Variants in NCOR1 observed in about 807,000 individuals in gnomAD.
The protein encoded by NCOR1 is nuclear receptor corepressor 1.
Under a neutral mutation model 288.1 loss-of-function variants are expected in NCOR1, and 63 were observed. That is an observed-to-expected ratio of 0.22 (90% confidence interval 0.18 to 0.27). NCOR1 has a LOEUF of 0.27. Among genes scored for constraint, NCOR1 ranks in the 10% least tolerant of loss-of-function variants. NCOR1 has a pLI of 1.00. For synonymous variants in NCOR1, 1,007 were observed against 1,065.9 expected (o/e 0.94, Z 1.08); for missense variants, 2,397 against 3,019.2 (o/e 0.79, Z 4.83).
At chr17:16,133,071 C>T (rs1035953456) in intron 14 of NCOR1, among the ~76,000 whole-genome samples, 3 of 151,908 alleles carry the variant, frequency 2.0e-5, no homozygotes, top group Non-Finnish European at 4.4e-5. Context: ...CAGGTTCAAG[C>T]GATTTTTCTA....
intron 1 of NCOR1, among the ~76,000 whole-genome samples, chr17:16,215,139 C>A (rs1374080596): frequency 6.6e-6 from 1 of 152,228 alleles, no homozygotes; most frequent in African/African-American, 2.4e-5. Flanking sequence ...ACTCCATAAG[C>A]CTCCGCTAGC....
intron 18 of NCOR1, among the ~76,000 whole-genome samples, chr17:16,115,144 A>G (rs2071316895): frequency 6.6e-6 from 1 of 152,190 alleles, no homozygotes; most frequent in South Asian, 2.1e-4. Context: ...CACCCTCTGA[A>G]GCCACGGCCC....
rs1027044838 is a variant in NCOR1 at position 16,032,323 on chromosome 17, G to A, written c.7296C>T (p.Tyr2432=). 31 of 1,613,854 alleles carry A rather than the reference G, an allele frequency of 1.9e-5. No individual in the cohort carries two copies. Among genetic ancestry groups the A allele is most frequent in the African/African-American group, 1.3e-4 (10 of 74,904 alleles). Residue 2432 remains tyrosine (Y), a synonymous_variant, in exon 46 of 46, where the codon TAC becomes TAT. Coordinates refer to ENST00000268712, the MANE Select transcript of NCOR1 (RefSeq NM_006311.4). ...AGTCATCACTATCCGACAGGGTCTC[G>A]TACTGTGCTGAGAGCAGTGGGGCAG... ...REPAPLLSAQ[Y]ETLSDSDD
intron 3 of NCOR1, among the ~76,000 whole-genome samples, chr17:16,178,100 T>C (rs745614104): frequency 9.2e-5 from 14 of 152,038 alleles, no homozygotes; most frequent in Admixed American, 2.6e-4. Context: ...TCCCAGCTAC[T>C]CTAGAGGCTG....
chr17:16,057,119 C>A, intron 40 of NCOR1: 1 of 187,084 alleles, frequency 5.3e-6, no homozygotes, highest in Non-Finnish European at 1.1e-5. Context: ...CAGGTATAAG[C>A]CACTATGTCT....
At chr17:16,057,813 A>AT in intron 39 of NCOR1, 76 bp from the exon 40 acceptor site, 2 of 1,484,616 alleles carry the variant, frequency 1.3e-6, no homozygotes, top group Non-Finnish European at 1.8e-6. Context: ...AGAAATCTAG[A>AT]TATCTTTATT....
intron 18 of NCOR1, among the ~76,000 whole-genome samples, chr17:16,115,408 T>C (rs1047409345): frequency 2.6e-5 from 4 of 152,210 alleles, no homozygotes; most frequent in Non-Finnish European, 5.9e-5. Flanking sequence ...CAGGCTTGAA[T>C]TCCTCTTCAG....
intron 44 of NCOR1, among the ~76,000 whole-genome samples, chr17:16,037,718 A>C (rs930868596): frequency 7.2e-5 from 11 of 152,254 alleles, no homozygotes; most frequent in African/African-American, 2.7e-4. Flanking sequence ...AAGCTTCTTC[A>C]TGCTACTACA....
chr17:16,061,104 C>G (rs2060502309), intron 37 of NCOR1, among the ~76,000 whole-genome samples: 2 of 152,178 alleles, frequency 1.3e-5, no homozygotes, highest in Admixed American at 1.3e-4. Flanking sequence ...AGCCCAGAGC[C>G]TGGCGATATA....
chr17:16,116,371 T>C (rs975112619), intron 18 of NCOR1, among the ~76,000 whole-genome samples: 5 of 152,220 alleles, frequency 3.3e-5, no homozygotes, highest in African/African-American at 9.6e-5. Flanking sequence ...CAGTAACAAC[T>C]ATCGCATTTG....
chr17:16,202,148 C>A (rs1389514834), intron 1 of NCOR1, among the ~76,000 whole-genome samples: 3 of 147,626 alleles, frequency 2.0e-5, no homozygotes, highest in African/African-American at 7.5e-5. Flanking sequence ...CGCTTGAACC[C>A]GGGAGGCAGA....
intron 11 of NCOR1, 63 bp downstream of exon 11, chr17:16,143,537 CTTAGCT>C: frequency 1.6e-6 from 2 of 1,230,006 alleles, no homozygotes; most frequent in Non-Finnish European, 2.4e-6. Context: ...CAAAAAAACC[CTTAGCT>C]CCTACAGAGT....
intron 38 of NCOR1, 54 bp downstream of exon 38, chr17:16,058,417 C>G (rs2060172091): frequency 1.9e-6 from 3 of 1,591,840 alleles, no homozygotes; most frequent in African/African-American, 1.3e-5. Flanking sequence ...TAATTAGAAG[C>G]AAATGATAAA....
In NCOR1 at chr17:16,210,000, A is replaced by G. The variant is rs576448903; in HGVS notation, c.-71+5362T>C. ...TATTTATCTAAGCTTTTATATTAAT[A>G]TAACAATTGAAATCCTTCATACTTA... On this transcript the variant is annotated intron_variant, in intron 1 of 45. Coordinates refer to ENST00000268712, the MANE Select transcript of NCOR1 (RefSeq NM_006311.4). 2.6e-5 allele frequency among the ~76,000 whole-genome samples: 4 copies of G among 152,250 alleles called. No homozygotes were observed. In the South Asian group the frequency reaches 8.3e-4, roughly 32 times the overall value.
chr17:16,077,665 A>G (rs1413697802), intron 26 of NCOR1, among the ~76,000 whole-genome samples: 4 of 151,578 alleles, frequency 2.6e-5, no homozygotes, highest in Non-Finnish European at 4.4e-5. Context: ...GAGAAAGAAA[A>G]TGCTTTCTAA....
intron 21 of NCOR1, among the ~76,000 whole-genome samples, chr17:16,095,253 C>T (rs1214936239): frequency 6.7e-6 from 1 of 150,214 alleles, no homozygotes; most frequent in South Asian, 2.1e-4. Context: ...TCGGCCCGGC[C>T]GCGACCCCGT....
chr17:16,063,367 G>C (rs1420038287), intron 35 of NCOR1, among the ~76,000 whole-genome samples: 1 of 151,886 alleles, frequency 6.6e-6, no homozygotes, highest in Non-Finnish European at 1.5e-5. Flanking sequence ...ATATATTTTA[G>C]AGACAGGGTC....
chr17:16,113,348 G>C (rs2153087982), intron 18 of NCOR1, among the ~76,000 whole-genome samples: 1 of 152,012 alleles, frequency 6.6e-6, no homozygotes, highest in East Asian at 1.9e-4. Context: ...CAATTCTCAA[G>C]GTGCTTCCAC....
chr17:16,111,892 C>T (rs906648181), intron 18 of NCOR1, among the ~76,000 whole-genome samples: 7 of 152,028 alleles, frequency 4.6e-5, no homozygotes, highest in African/African-American at 7.2e-5. Flanking sequence ...ATTTTTCAGA[C>T]GGAGTCTTGC....
Sources: gnomAD v4.1 joint callset for allele counts (sites outside exome capture counted in the v4.1 genomes callset) on GRCh38, gnomAD v4.1.1 for gene constraint, MANE v1.5 for transcripts, NCBI Gene and HGNC (gene_info 2026-07-23, HGNC 2026-07-21) for gene names.